The following COL28A1 variants were observed in gnomAD, a reference collection of about 807,000 sequenced individuals.
COL28A1 encodes collagen alpha-1(XXVIII) chain.
COL28A1 carries 161 observed loss-of-function variants against 150.2 expected under a neutral mutation model. The observed-to-expected ratio is 1.07, with a 90% CI of 0.94 to 1.22. The LOEUF is 1.22. Among genes scored for constraint, COL28A1 ranks in the 50% most tolerant of loss-of-function variants. COL28A1 has a pLI of 0.00. For synonymous variants in COL28A1, 552 were observed against 469.7 expected, an observed-to-expected ratio of 1.18 and a Z score of -2.26; for missense variants, 1,617 against 1,388.3, an observed-to-expected ratio of 1.16 and a Z score of -2.62.
At chr7:7,471,134 A>AAAAC (rs1368454186) in intron 15 of COL28A1, among the ~76,000 whole-genome samples, 1 of 149,060 alleles carries the variant, frequency 6.7e-6, no homozygotes, top group Non-Finnish European at 1.5e-5. Context: ...TTAAAAAAAA[A>AAAAC]AAAAAAAAAA....
intron 25 of COL28A1, among the ~76,000 whole-genome samples, chr7:7,432,033 T>C (rs916219744): frequency 6.6e-6 from 1 of 152,126 alleles, no homozygotes; most frequent in African/African-American, 2.4e-5. Context: ...AAATTAGAGA[T>C]GTTTGTGAGA....
chr7:7,432,283 C>G (rs982179237), intron 25 of COL28A1, among the ~76,000 whole-genome samples, 190 bp downstream of exon 25: 1 of 151,986 alleles, frequency 6.6e-6, no homozygotes, highest in African/African-American at 2.4e-5. Context: ...GAAGGAGGAC[C>G]CAAACCATAA....
At chr7:7,380,910 G>A in intron 28 of COL28A1, 48 bp from the exon 29 acceptor site, 2 of 1,511,576 alleles carry the variant, frequency 1.3e-6, no homozygotes, top group African/African-American at 1.4e-5. Context: ...GAATCTAAAA[G>A]CCAGATAAGA....
chr7:7,511,034 G>C, intron 9 of COL28A1, 57 bp downstream of exon 9: 2 of 1,433,936 alleles, frequency 1.4e-6, no homozygotes, highest in Non-Finnish European at 2.0e-6. Context: ...TTCCCCTTAA[G>C]GAAACGCAAC....
At chr7:7,513,519 T>C (rs568015762) in intron 8 of COL28A1, among the ~76,000 whole-genome samples, 1 of 152,330 alleles carries the variant, frequency 6.6e-6, no homozygotes, top group East Asian at 1.9e-4. Flanking sequence ...TCTCTTCACA[T>C]CCTTTCGTGA....
In COL28A1 at chr7:7,358,158, A is replaced by T. The variant is rs996120476; in HGVS notation, c.*475T>A. 5.9e-5 allele frequency: 9 copies of T among 152,480 alleles called. No individual in the cohort carries two copies. The highest frequency in any genetic ancestry group is 1.9e-4 in the African/African-American group (8 of 41,442). 9.4% of individuals were successfully genotyped at this position (152,480 alleles called of 1,614,324 possible). ...CCAGCACTCCTGCGTAAACATTTAC[A>T]TCATTTCTAATTCTCACACCGAAGT... On this transcript the variant is annotated 3_prime_UTR_variant, in exon 35 of 35. Coordinates refer to ENST00000399429, the MANE Select transcript of COL28A1 (RefSeq NM_001037763.3).
At chr7:7,355,331 A>G (rs1258627089), downstream of COL28A1, among the ~76,000 whole-genome samples, 1 of 152,082 alleles carries the variant, frequency 6.6e-6, no homozygotes, top group East Asian at 1.9e-4. Context: ...AAAATAATAT[A>G]CTGGCCAGAC....
intron 26 of COL28A1, among the ~76,000 whole-genome samples, chr7:7,418,935 T>C (rs891653177): frequency 6.6e-6 from 1 of 152,156 alleles, no homozygotes; most frequent in Non-Finnish European, 1.5e-5. Context: ...CTGAGAATCT[T>C]GGTAATTCTG....
intron 25 of COL28A1, among the ~76,000 whole-genome samples, chr7:7,430,363 G>A (rs894678923): frequency 7.9e-5 from 12 of 152,096 alleles, no homozygotes; most frequent in Admixed American, 7.9e-4. Context: ...CTGACCTCAG[G>A]TGATCTGCCC....
chr7:7,522,973 G>A (rs1228431521), intron 4 of COL28A1, among the ~76,000 whole-genome samples: 3 of 152,030 alleles, frequency 2.0e-5, no homozygotes, highest in Non-Finnish European at 4.4e-5. Context: ...ATGTGAAGAA[G>A]TTTTAGAAAT....
intron 27 of COL28A1, among the ~76,000 whole-genome samples, chr7:7,391,038 CTTGT>C (rs1159552632): frequency 2.6e-5 from 4 of 152,042 alleles, no homozygotes; most frequent in Admixed American, 1.3e-4. Context: ...TTTGTTTGGT[CTTGT>C]TTCTCTAGTT....
At position 7,531,704 on chromosome 7, in the gene COL28A1, A is replaced by G. The variant is rs772168057; in HGVS notation, c.325T>C (p.Ser109Pro). 1 of 1,598,512 alleles carries G rather than the reference A, an allele frequency of 6.3e-7. No individual in the cohort carries two copies. Among genetic ancestry groups the G allele is most frequent in the Non-Finnish European group, 8.6e-7 (1 of 1,165,764 alleles). The change falls in exon 3 of 35, where the codon TCT becomes CCT. Residue 109 changes from serine to proline, a missense_variant. Coordinates refer to ENST00000399429, the MANE Select transcript of COL28A1 (RefSeq NM_001037763.3). ...AATGTCTGCAGGTCCTTCCAGGAAG[A>G]AAAAGGTGGATCAATTTGGACAGAG... is the stretch of plus-strand genomic sequence containing the variant. The part of the protein sequence containing the change: ...SSSVQIDPPF[S>P]SWKDLQTFKQ...
In COL28A1 at chr7:7,521,928, C is replaced by G; in HGVS notation, c.736G>C (p.Asp246His). 1.7e-6 allele frequency: 2 copies of G among 1,160,010 alleles called. No individual in the cohort carries two copies. The highest frequency in any genetic ancestry group is 2.6e-6 in the Non-Finnish European group (2 of 764,678). The allele number at this position is 1,160,010 out of a possible 1,614,324, so 71.9% of individuals were successfully genotyped here. The change falls in exon 5 of 35, where the codon GAT (aspartate) becomes CAT (histidine). Residue 246 changes from aspartate (D) to histidine (H), a missense_variant. By Grantham distance (81) the Asp-to-His change is moderately conservative (BLOSUM62 -1). Coordinates refer to ENST00000399429, the MANE Select transcript of COL28A1 (RefSeq NM_001037763.3). Reference protein sequence around the residue: ...ERKICECEKGDPGDPGPPGTH... With the variant: ...ERKICECEKGHPGDPGPPGTH... ...ACAGGAGGCCCTGGATCACCTGGAT[C>G]TCCCTTCTCACATTCACAAATCTTG...
chr7:7,495,545 C>T (rs1160816668), intron 11 of COL28A1, among the ~76,000 whole-genome samples: 2 of 152,172 alleles, frequency 1.3e-5, no homozygotes, highest in Non-Finnish European at 2.9e-5. Context: ...TCCAGCCCTT[C>T]CCACCTCAGG....
chr7:7,440,885 T>A, intron 20 of COL28A1, 24 bp from the exon 21 acceptor site: 2 of 1,214,614 alleles, frequency 1.6e-6, no homozygotes, highest in African/African-American at 1.5e-5. Context: ...TATGAAAATA[T>A]AGATTTTCGT....
chr7:7,521,830 C>T (rs967519096), intron 5 of COL28A1, 75 bp downstream of exon 5: 17 of 824,314 alleles, frequency 2.1e-5, no homozygotes, highest in Non-Finnish European at 2.6e-5. Context: ...AAAATAGCCC[C>T]GATGTTTTCA....
At chr7:7,507,632 C>T (rs1780885842) in intron 9 of COL28A1, among the ~76,000 whole-genome samples, 2 of 152,080 alleles carry the variant, frequency 1.3e-5, no homozygotes, top group Admixed American at 6.5e-5. Context: ...ATATTTCATT[C>T]GGTCCCATAA....
chr7:7,359,261 C>T (rs1780505421), intron 34 of COL28A1, among the ~76,000 whole-genome samples: 2 of 148,914 alleles, frequency 1.3e-5, no homozygotes, highest in African/African-American at 4.9e-5. Context: ...ATGCAATTGC[C>T]CACTATCAAA....
chr7:7,405,973 C>A (rs1413076308), intron 27 of COL28A1, among the ~76,000 whole-genome samples: 3 of 152,124 alleles, frequency 2.0e-5, no homozygotes, highest in East Asian at 3.8e-4. Context: ...CCAACAGACA[C>A]AATACCCTTA....
Sources: gnomAD v4.1 joint callset for allele counts (sites outside exome capture counted in the v4.1 genomes callset) on GRCh38, gnomAD v4.1.1 for gene constraint, MANE v1.5 for transcripts, NCBI Gene and HGNC (gene_info 2026-07-23, HGNC 2026-07-21) for gene names.